ZBTB38: variants seen among roughly 807,000 people sequenced by gnomAD.
ZBTB38 encodes the protein zinc finger and BTB domain containing 38, also known as zinc finger and BTB domain-containing protein 38.
A neutral mutation model predicts 76.8 loss-of-function variants in ZBTB38; 20 were observed. The ratio of observed to expected loss-of-function variants is 0.26; its 90% confidence interval spans 0.18 to 0.38. The LOEUF (loss-of-function observed/expected upper bound fraction) is 0.38, where lower values mean the gene tolerates loss of function less well. Among genes scored for constraint, ZBTB38 ranks in the 10% least tolerant of loss-of-function variants. The pLI is 1.00. For missense variants in ZBTB38, 1,082 were observed against 1,482.3 expected (o/e 0.73, Z 4.43); for synonymous variants, 504 against 544.2 (o/e 0.93, Z 1.03).
chr3:141,373,245 C>T (rs540907651), intron 2 of ZBTB38, among the ~76,000 whole-genome samples: 2 of 152,216 alleles, frequency 1.3e-5, no homozygotes, highest in Non-Finnish European at 2.9e-5. Flanking sequence ...GTTGAGCTTT[C>T]TCAACCTTAA....
At chr3:141,382,422 T>C (rs1289052907) in intron 3 of ZBTB38, among the ~76,000 whole-genome samples, 1 of 152,226 alleles carries the variant, frequency 6.6e-6, no homozygotes, top group Non-Finnish European at 1.5e-5. Flanking sequence ...AACTCACTTA[T>C]GAAGTGTGTG....
chr3:141,434,823 A>C (rs1009685434), intron 5 of ZBTB38, among the ~76,000 whole-genome samples: 5 of 151,852 alleles, frequency 3.3e-5, no homozygotes, highest in African/African-American at 1.2e-4. Context: ...TATAAGTATA[A>C]TATATAATTT....
intron 2 of ZBTB38, among the ~76,000 whole-genome samples, chr3:141,370,147 T>C (rs1302884543): frequency 6.6e-6 from 1 of 152,226 alleles, no homozygotes. Context: ...AACACAATAG[T>C]TTATTTCTTG....
chr3:141,404,952 A>G (rs1953851252), intron 5 of ZBTB38, among the ~76,000 whole-genome samples: 2 of 152,218 alleles, frequency 1.3e-5, no homozygotes, highest in Non-Finnish European at 2.9e-5. Context: ...AGTGGGGTCC[A>G]TCGCAGGGAC....
At chr3:141,348,573 C>T (rs1229800614) in intron 1 of ZBTB38, among the ~76,000 whole-genome samples, 1 of 152,208 alleles carries the variant, frequency 6.6e-6, no homozygotes, top group East Asian at 1.9e-4. Flanking sequence ...CGTCAAAGGG[C>T]CCTCAACTAA....
At chr3:141,382,781 G>T (rs1946382266) in intron 3 of ZBTB38, among the ~76,000 whole-genome samples, 1 of 152,148 alleles carries the variant, frequency 6.6e-6, no homozygotes. Flanking sequence ...CCAGGGCCTG[G>T]AGGGTAGAGG....
intron 4 of ZBTB38, among the ~76,000 whole-genome samples, chr3:141,397,781 T>C (rs745528763): frequency 3.3e-5 from 5 of 152,210 alleles, no homozygotes; most frequent in Non-Finnish European, 5.9e-5. Flanking sequence ...TTCGCCATCT[T>C]ATATGGGCGT....
chr3:141,335,875 C>T (rs1319397844), intron 1 of ZBTB38, among the ~76,000 whole-genome samples: 1 of 152,244 alleles, frequency 6.6e-6, no homozygotes, highest in Non-Finnish European at 1.5e-5. Context: ...TCCTCTACTA[C>T]ACCCCAGCAC....
chr3:141,329,798 A>G (rs1347946156), intron 1 of ZBTB38, among the ~76,000 whole-genome samples: 2 of 151,516 alleles, frequency 1.3e-5, no homozygotes, highest in African/African-American at 4.9e-5. Flanking sequence ...ATTTTTTTTT[A>G]ATTAGAAAAT....
At chr3:141,380,546 A>G (rs1023659674) in intron 2 of ZBTB38, among the ~76,000 whole-genome samples, 1 of 152,220 alleles carries the variant, frequency 6.6e-6, no homozygotes, top group African/African-American at 2.4e-5. Context: ...GTAGTGGTAG[A>G]GAAAGGACTC....
At chr3:141,329,382 C>G (rs1321844444) in intron 1 of ZBTB38, among the ~76,000 whole-genome samples, 5 of 152,206 alleles carry the variant, frequency 3.3e-5, no homozygotes, top group Admixed American at 3.3e-4. Flanking sequence ...ACATCCTTCT[C>G]CCAGCTTAAT....
intron 4 of ZBTB38, among the ~76,000 whole-genome samples, chr3:141,395,217 A>G (rs1184876336): frequency 6.6e-6 from 1 of 152,272 alleles, no homozygotes; most frequent in African/African-American, 2.4e-5. Context: ...TAGCTTAGGC[A>G]GGAACAAGGA....
chr3:141,325,573 A>G (rs1002707712), intron 1 of ZBTB38, among the ~76,000 whole-genome samples: 18 of 152,246 alleles, frequency 1.2e-4, no homozygotes, highest in Non-Finnish European at 1.5e-5. Context: ...CTATATTTGT[A>G]TACTTCCTTA....
intron 4 of ZBTB38, among the ~76,000 whole-genome samples, chr3:141,402,077 C>A (rs898410226): frequency 1.4e-4 from 21 of 152,358 alleles, no homozygotes; most frequent in African/African-American, 5.0e-4. Context: ...CGTTGTCCTT[C>A]GGCAGGTTCT....
intron 1 of ZBTB38, among the ~76,000 whole-genome samples, chr3:141,344,368 C>CTATA (rs1288287944): frequency 6.6e-6 from 1 of 151,918 alleles, no homozygotes; most frequent in African/African-American, 2.4e-5. Context: ...TCTTCTTCTT[C>CTATA]TATTTATTTA....
At chr3:141,441,414 G>A (rs2080183067) in intron 5 of ZBTB38, among the ~76,000 whole-genome samples, 1 of 152,176 alleles carries the variant, frequency 6.6e-6, no homozygotes, top group Admixed American at 6.5e-5. Flanking sequence ...GTCCTTTCCT[G>A]GTTTTACATT....
intron 4 of ZBTB38, among the ~76,000 whole-genome samples, chr3:141,395,577 T>C (rs1355851067): frequency 2.0e-5 from 3 of 152,172 alleles, no homozygotes; most frequent in Non-Finnish European, 2.9e-5. Context: ...TTTTGTATTA[T>C]GAAATTCAAA....
At chr3:141,375,046 T>G (rs866086248) in intron 2 of ZBTB38, among the ~76,000 whole-genome samples, 13 of 152,338 alleles carry the variant, frequency 8.5e-5, no homozygotes, top group Non-Finnish European at 1.6e-4. Context: ...ATTGACATGC[T>G]GCATTCAGTT....
chr3:141,384,504 A>G (rs2149216023), intron 3 of ZBTB38, among the ~76,000 whole-genome samples: 1 of 152,230 alleles, frequency 6.6e-6, no homozygotes, highest in East Asian at 1.9e-4. Flanking sequence ...ATTGATGGGG[A>G]ATATCTCAAC....
Sources: gnomAD v4.1 joint callset for allele counts (sites outside exome capture counted in the v4.1 genomes callset) on GRCh38, gnomAD v4.1.1 for gene constraint, MANE v1.5 for transcripts, NCBI Gene and HGNC (gene_info 2026-07-23, HGNC 2026-07-21) for gene names.